Variants in ME1 observed in about 807,000 individuals in gnomAD.
ME1 encodes NADP-dependent malic enzyme.
In ME1, 74 loss-of-function variants were observed where a neutral mutation model predicts 66.4. The observed-to-expected ratio is 1.11, with a 90% confidence interval of 0.92 to 1.35. The LOEUF (loss-of-function observed/expected upper bound fraction) is 1.35. Ranked by LOEUF, ME1 falls within the 40% of genes most tolerant of loss-of-function variation. The pLI is 0.00. For missense variants in ME1, 750 were observed against 694.1 expected, an observed-to-expected ratio of 1.08 and a Z score of -0.90; for synonymous variants, 251 against 235.6, an observed-to-expected ratio of 1.07 and a Z score of -0.60.
intron 6 of ME1, among the ~76,000 whole-genome samples, chr6:83,276,798 G>C (rs778308654): frequency 6.6e-6 from 1 of 152,054 alleles, no homozygotes; most frequent in African/African-American, 2.4e-5. Flanking sequence ...GTCATAGAAC[G>C]ATCTTAATTT....
intron 6 of ME1, among the ~76,000 whole-genome samples, chr6:83,265,843 T>C (rs1244197465): frequency 1.3e-5 from 2 of 152,236 alleles, no homozygotes. Context: ...TTTTATTGCT[T>C]GATAGTTATA....
At chr6:83,230,036 G>T (rs572828852) in intron 9 of ME1, among the ~76,000 whole-genome samples, 22 of 151,814 alleles carry the variant, frequency 1.4e-4, no homozygotes, top group Admixed American at 3.3e-4. Context: ...ATTGCCCAGG[G>T]TTGTCTCGAA....
intron 2 of ME1, among the ~76,000 whole-genome samples, chr6:83,406,527 T>C (rs866518121): frequency 2.0e-5 from 3 of 152,258 alleles, no homozygotes; most frequent in Middle Eastern, 6.8e-3. Context: ...GAGGGTGCCA[T>C]TTTTACGACC....
chr6:83,331,447 C>T (rs371953486), intron 5 of ME1, among the ~76,000 whole-genome samples: 4 of 151,716 alleles, frequency 2.6e-5, no homozygotes, highest in African/African-American at 4.8e-5. Flanking sequence ...ATTAGTCGGG[C>T]GTGGTGGTGG....
intron 6 of ME1, among the ~76,000 whole-genome samples, chr6:83,273,297 C>A (rs375089454): frequency 4.6e-5 from 7 of 151,286 alleles, no homozygotes; most frequent in African/African-American, 1.7e-4. Context: ...TAACTATGAG[C>A]AAATCTTTTG....
intron 6 of ME1, 78 bp from the exon 7 acceptor site, chr6:83,253,816 G>A (rs1285199078): frequency 1.4e-6 from 1 of 701,206 alleles, no homozygotes. Context: ...TTAGCCCATA[G>A]AAATAGGAAA....
At chr6:83,328,369 C>T (rs1056100011) in intron 5 of ME1, among the ~76,000 whole-genome samples, 12 of 152,154 alleles carry the variant, frequency 7.9e-5, no homozygotes, top group East Asian at 1.9e-4. Context: ...ATGTGGATGA[C>T]GGGTTGATGA....
chr6:83,358,040 C>A (rs184003221), intron 3 of ME1, among the ~76,000 whole-genome samples: 1 of 146,364 alleles, frequency 6.8e-6, no homozygotes, highest in Non-Finnish European at 1.5e-5. Flanking sequence ...CTCTAGAGAA[C>A]CCTGACTAAT....
At chr6:83,253,874 T>A in intron 6 of ME1, 136 bp from the exon 7 acceptor site, 2 of 532,776 alleles carry the variant, frequency 3.8e-6, no homozygotes, top group Non-Finnish European at 3.4e-6. Flanking sequence ...AGTATAAATA[T>A]GTAATATAAT....
intron 6 of ME1, among the ~76,000 whole-genome samples, chr6:83,258,257 C>CT (rs1249958777): frequency 3.9e-5 from 6 of 152,082 alleles, no homozygotes; most frequent in Non-Finnish European, 8.8e-5. Context: ...AGTTTCATGA[C>CT]TTTTCTCTAC....
chr6:83,218,816 C>T (rs1051535594), intron 12 of ME1, among the ~76,000 whole-genome samples: 3 of 152,308 alleles, frequency 2.0e-5, no homozygotes, highest in Admixed American at 2.0e-4. Context: ...CATTTCCCCC[C>T]AAATTCCTCA....
intron 3 of ME1, among the ~76,000 whole-genome samples, chr6:83,354,774 T>C (rs890514628): frequency 6.6e-6 from 1 of 152,202 alleles, no homozygotes; most frequent in African/African-American, 2.4e-5. Flanking sequence ...AGAATCTCTA[T>C]TTTGCTTACA....
intron 6 of ME1, among the ~76,000 whole-genome samples, chr6:83,287,923 CAT>C (rs1438881489): frequency 7.9e-5 from 12 of 152,046 alleles, no homozygotes; most frequent in African/African-American, 2.9e-4. Flanking sequence ...AGCATTTTTT[CAT>C]ATGTCTGTTG....
At chr6:83,245,677 G>A (rs1392289738) in intron 7 of ME1, among the ~76,000 whole-genome samples, 4 of 152,034 alleles carry the variant, frequency 2.6e-5, no homozygotes, top group Admixed American at 2.6e-4. Flanking sequence ...CAAAGTGCTG[G>A]GATTACAGGC....
chr6:83,323,234 A>C (rs950938929), intron 5 of ME1, among the ~76,000 whole-genome samples: 2 of 152,208 alleles, frequency 1.3e-5, no homozygotes, highest in African/African-American at 4.8e-5. Flanking sequence ...CATTATGAGG[A>C]AACTGTATCA....
chr6:83,288,870 C>T (rs537118751), intron 6 of ME1, among the ~76,000 whole-genome samples: 7 of 152,268 alleles, frequency 4.6e-5, no homozygotes, highest in East Asian at 3.9e-4. Flanking sequence ...AGGTCCTTCA[C>T]GTCCCTTGTA....
intron 3 of ME1, among the ~76,000 whole-genome samples, chr6:83,379,832 G>A (rs536375837): frequency 8.8e-4 from 134 of 152,140 alleles, no homozygotes; most frequent in African/African-American, 3.1e-3. Context: ...AGAACTGTAC[G>A]TACATTTGAA....
At chr6:83,316,406 A>G (rs1376236187) in intron 5 of ME1, among the ~76,000 whole-genome samples, 2 of 152,188 alleles carry the variant, frequency 1.3e-5, no homozygotes, top group East Asian at 1.9e-4. Context: ...GTAAACTAGA[A>G]GCAGAAAGGA....
chr6:83,273,294 G>A (rs1767118553), intron 6 of ME1, among the ~76,000 whole-genome samples: 2 of 151,496 alleles, frequency 1.3e-5, no homozygotes, highest in East Asian at 1.9e-4. Context: ...ATGTAACTAT[G>A]AGCAAATCTT....
Sources: allele counts gnomAD v4.1 joint callset (sites outside exome capture counted in the v4.1 genomes callset), GRCh38; gene constraint gnomAD v4.1.1; transcripts MANE v1.5; gene names NCBI Gene and HGNC (gene_info 2026-07-23, HGNC 2026-07-21).